The following UMAD1 variants were observed in gnomAD, a reference collection of about 807,000 sequenced individuals.
UMAD1 encodes UBAP1-MVB12-associated (UMA)-domain containing protein 1.
UMAD1 carries 8 observed loss-of-function variants against 6.1 expected under a neutral mutation model. That is an observed-to-expected ratio of 1.30 (90% confidence interval 0.76 to 2.35). The LOEUF (loss-of-function observed/expected upper bound fraction) is 2.35. Ranked by LOEUF, UMAD1 falls within the 30% of genes most tolerant of loss-of-function variation. UMAD1 has a pLI of 0.00. For missense variants in UMAD1, 130 were observed against 78.4 expected (o/e 1.66, Z -2.49); for synonymous variants, 56 against 31.4 (o/e 1.78, Z -2.61).
intron 2 of UMAD1, among the ~76,000 whole-genome samples, chr7:7,783,368 C>T (rs1405230149): frequency 1.3e-5 from 2 of 151,510 alleles, no homozygotes; most frequent in Non-Finnish European, 2.9e-5. Context: ...CTTGAGAATC[C>T]TATCTTTTGT....
intron 2 of UMAD1, among the ~76,000 whole-genome samples, chr7:7,727,070 C>A (rs1781153393): frequency 6.6e-6 from 1 of 152,030 alleles, no homozygotes; most frequent in African/African-American, 2.4e-5. Flanking sequence ...TGGAAAAAAA[C>A]CCATGACCTG....
chr7:7,837,168 A>G (rs1387809349), intron 3 of UMAD1, among the ~76,000 whole-genome samples: 1 of 152,052 alleles, frequency 6.6e-6, no homozygotes, highest in African/African-American at 2.4e-5. Flanking sequence ...TAATATCTTC[A>G]AAGTGGTGAG....
intron 3 of UMAD1, among the ~76,000 whole-genome samples, chr7:7,865,230 T>C (rs528444978): frequency 6.6e-6 from 1 of 152,350 alleles, no homozygotes; most frequent in African/African-American, 2.4e-5. Context: ...GAATTTGTGA[T>C]TGGCATCTGA....
intron 3 of UMAD1, among the ~76,000 whole-genome samples, chr7:7,856,973 T>A (rs1461710390): frequency 3.9e-5 from 6 of 152,252 alleles, no homozygotes; most frequent in Non-Finnish European, 7.3e-5. Context: ...ACTTGTGATT[T>A]GCTTTACTTT....
At chr7:7,756,140 G>T (rs62432646) in intron 2 of UMAD1, among the ~76,000 whole-genome samples, 18 of 152,104 alleles carry the variant, frequency 1.2e-4, no homozygotes, top group Non-Finnish European at 1.5e-5. Flanking sequence ...TGTGAAGTTG[G>T]ACCCCAAAGG....
intron 2 of UMAD1, among the ~76,000 whole-genome samples, chr7:7,680,478 G>A (rs927960343): frequency 6.6e-6 from 1 of 152,010 alleles, no homozygotes; most frequent in South Asian, 2.1e-4. Context: ...AGTGTGATTC[G>A]TCTAATTTTG....
intron 2 of UMAD1, among the ~76,000 whole-genome samples, chr7:7,756,558 G>T (rs1373210788): frequency 6.6e-6 from 1 of 152,124 alleles, no homozygotes; most frequent in Non-Finnish European, 1.5e-5. Flanking sequence ...TGGCAAGATG[G>T]CTACAGCAGC....
In UMAD1 at chr7:7,797,691, A is replaced by ATT. The variant is rs35249714; in HGVS notation, c.83-3965_83-3964dup. ...TTATATAGCTAAAACATCATCCAAC[A>ATT]TTTTTTTTTTTTTTTGAGACGAGGT... is the stretch of plus-strand genomic sequence containing the variant. On this transcript the variant is annotated intron_variant, in intron 2 of 3. Coordinates refer to ENST00000682710, the MANE Select transcript of UMAD1 (RefSeq NM_001302348.2). Among the ~76,000 whole-genome samples, 250 of 142,088 alleles carry ATT rather than the reference A, an allele frequency of 1.8e-3. 3 individuals are homozygous for ATT. The highest frequency in any genetic ancestry group is 0.015 in the Middle Eastern group (4 of 274). 93.2% of individuals were successfully genotyped at this position (142,088 alleles called of 152,430 possible).
intron 3 of UMAD1, among the ~76,000 whole-genome samples, chr7:7,809,786 C>T (rs73356287): frequency 1.3e-5 from 2 of 151,964 alleles, no homozygotes; most frequent in African/African-American, 4.8e-5. Flanking sequence ...CACTCTTCTT[C>T]TGATGTGTTT....
intron 3 of UMAD1, among the ~76,000 whole-genome samples, chr7:7,858,029 C>T (rs957290127): frequency 5.3e-5 from 8 of 152,192 alleles, no homozygotes; most frequent in South Asian, 2.1e-4. Flanking sequence ...CAGAGTTAGA[C>T]GGTGTGACTT....
At chr7:7,646,592 C>T (rs1246643172) in intron 1 of UMAD1, among the ~76,000 whole-genome samples, 2 of 149,728 alleles carry the variant, frequency 1.3e-5, no homozygotes, top group African/African-American at 4.9e-5. Context: ...AACTGTGAGT[C>T]CATTAAACCC....
chr7:7,757,638 A>T (rs956426274), intron 2 of UMAD1, among the ~76,000 whole-genome samples: 6 of 152,186 alleles, frequency 3.9e-5, no homozygotes, highest in African/African-American at 1.4e-4. Flanking sequence ...AGCCATGTTG[A>T]TTATTATCTG....
intron 3 of UMAD1, among the ~76,000 whole-genome samples, chr7:7,820,417 CA>C (rs1783220375): frequency 1.3e-5 from 2 of 152,212 alleles, no homozygotes; most frequent in South Asian, 2.1e-4. Context: ...CAGTATCAGT[CA>C]GTTCACAATT....
At chr7:7,784,042 C>T (rs1236820936) in intron 2 of UMAD1, among the ~76,000 whole-genome samples, 1 of 152,084 alleles carries the variant, frequency 6.6e-6, no homozygotes, top group African/African-American at 2.4e-5. Flanking sequence ...GTGGATATTG[C>T]TTATGAAGAA....
At chr7:7,814,036 C>T (rs1444133546) in intron 3 of UMAD1, among the ~76,000 whole-genome samples, 1 of 151,726 alleles carries the variant, frequency 6.6e-6, no homozygotes, top group Admixed American at 6.6e-5. Flanking sequence ...CAGGCTGGAG[C>T]ACAGTGGCGT....
rs5882136 is a variant in UMAD1 at position 7,784,337 on chromosome 7, GTT to G, written c.83-17318_83-17317del. 6.4e-3 allele frequency among the ~76,000 whole-genome samples: 725 copies of G among 113,688 alleles called. 1 individual carries two copies. The highest frequency in any genetic ancestry group is 0.022 in the African/African-American group (646 of 29,064). The allele number at this position is 113,688 out of a possible 152,430, so 74.6% of individuals were successfully genotyped here. ...TTAAAATTTTCTACTTAAAATCTCTGTTTTTTTTTTTTTTTTGAGACAGAGTC... is the reference window on the plus strand; with the variant it reads ...TTAAAATTTTCTACTTAAAATCTCTGTTTTTTTTTTTTTTGAGACAGAGTC... On this transcript the variant is annotated intron_variant, in intron 2 of 3. Transcript: ENST00000682710.
chr7:7,877,418 G>T lies in UMAD1; in HGVS notation c.294G>T (p.Leu98=), dbSNP rs187016287. 1.4e-6 allele frequency: 1 copy of T among 717,702 alleles called. No homozygotes were observed. Among genetic ancestry groups the T allele is most frequent in the Non-Finnish European group, 2.6e-6 (1 of 385,148 alleles). The allele number at this position is 717,702 out of a possible 1,614,324, so 44.5% of individuals were successfully genotyped here. Residue 98 remains leucine, a synonymous_variant, in exon 4 of 4, where the codon CTG becomes CTT. Transcript: ENST00000682710. The stretch of plus-strand genomic sequence containing the variant: ...CGTTCACCCTGGCCCCGCATGTGCT[G>T]GCAGTACAGGGCACCATCACTGACC... The part of the protein sequence containing the change: ...DVPFTLAPHV[L]AVQGTITDLP...
At chr7:7,697,926 C>T (rs1221962593) in intron 2 of UMAD1, among the ~76,000 whole-genome samples, 1 of 152,128 alleles carries the variant, frequency 6.6e-6, no homozygotes, top group Non-Finnish European at 1.5e-5. Flanking sequence ...CCTCAGCTCA[C>T]CTTCATGAGG....
intron 2 of UMAD1, among the ~76,000 whole-genome samples, chr7:7,753,651 C>T (rs976101590): frequency 4.6e-5 from 7 of 152,132 alleles, no homozygotes; most frequent in African/African-American, 1.2e-4. Flanking sequence ...ATAAATACCA[C>T]GTTTTCTCTA....
Sources: allele counts gnomAD v4.1 joint callset (sites outside exome capture counted in the v4.1 genomes callset), GRCh38; gene constraint gnomAD v4.1.1; transcripts MANE v1.5; gene names NCBI Gene and HGNC (gene_info 2026-07-23, HGNC 2026-07-21).